ERBB4: variants seen among roughly 807,000 people sequenced by gnomAD.
ERBB4 encodes erb-b2 receptor tyrosine kinase 4, also known as receptor tyrosine-protein kinase erbB-4.
In ERBB4, 42 loss-of-function variants were observed where a neutral mutation model predicts 158.0. The observed-to-expected ratio is 0.27, with a 90% confidence interval of 0.21 to 0.34. ERBB4 has a LOEUF of 0.34. Ranked by LOEUF, ERBB4 falls within the 10% of genes least tolerant of loss-of-function variation. The probability of loss-of-function intolerance (pLI) is 1.00; values close to 1 mark genes in which losing one functional copy is unlikely to be tolerated. For missense variants in ERBB4, 1,333 were observed against 1,624.1 expected, an observed-to-expected ratio of 0.82 and a Z score of 3.08; for synonymous variants, 583 against 558.7, an observed-to-expected ratio of 1.04 and a Z score of -0.61.
At chr2:211,890,020 G>T (rs1345676482) in intron 3 of ERBB4, among the ~76,000 whole-genome samples, 41 of 96,314 alleles carry the variant, frequency 4.3e-4, no homozygotes, top group African/African-American at 1.8e-3. Flanking sequence ...ATCTAGCAAG[G>T]CAGGCCAACG....
intron 2 of ERBB4, among the ~76,000 whole-genome samples, chr2:212,024,237 C>A (rs932580014): frequency 6.6e-6 from 1 of 151,872 alleles, no homozygotes; most frequent in Non-Finnish European, 1.5e-5. Flanking sequence ...AAATGACTGG[C>A]TCTTTCATTC....
rs577049194 is a variant in ERBB4, at chr2:212,090,447, C to T, written c.234+34305G>A. 1.7e-3 allele frequency among the ~76,000 whole-genome samples: 264 copies of T among 152,160 alleles called. 1 individual carries two copies. Among genetic ancestry groups the T allele is most frequent in the Non-Finnish European group, 3.2e-3 (219 of 67,980 alleles). ...AAAAACTGTTTCAGTCTTTAATATC[C>T]TCTAAAGCTCCCTGGAGGTCTAGTG... On this transcript the variant is annotated intron_variant, in intron 2 of 27. Coordinates refer to ENST00000342788, the MANE Select transcript of ERBB4 (RefSeq NM_005235.3).
At position 211,497,732 on chromosome 2, in the gene ERBB4, C is replaced by T. The variant is rs114869518; in HGVS notation, c.2487+64171G>A. The stretch of plus-strand genomic sequence containing the variant: ...TAGTATTTTTAATGAAAGGATGAGG[C>T]TCTTATGAGACATTATTTATTTCAT... On this transcript the variant is annotated intron_variant, in intron 20 of 27. Transcript: ENST00000342788. 3.2e-3 allele frequency among the ~76,000 whole-genome samples: 492 copies of T among 152,050 alleles called. 3 individuals are homozygous for T. Among genetic ancestry groups the T allele is most frequent in the African/African-American group, 0.011 (474 of 41,504 alleles).
At chr2:212,087,327 C>A (rs538897080) in intron 2 of ERBB4, among the ~76,000 whole-genome samples, 1 of 151,944 alleles carries the variant, frequency 6.6e-6, no homozygotes, top group Non-Finnish European at 1.5e-5. Context: ...ATGATTTATA[C>A]TGTGATAAGT....
At chr2:211,479,066 T>C (rs554402025) in intron 20 of ERBB4, among the ~76,000 whole-genome samples, 2 of 152,144 alleles carry the variant, frequency 1.3e-5, no homozygotes. Flanking sequence ...TCTAACTCAG[T>C]GCTTCTCAAA....
chr2:212,328,656 G>A (rs1049407886), intron 1 of ERBB4, among the ~76,000 whole-genome samples: 11 of 151,964 alleles, frequency 7.2e-5, no homozygotes, highest in African/African-American at 1.9e-4. Flanking sequence ...ATAGTATGTA[G>A]GCTAGGAGGA....
At chr2:211,621,308 T>C (rs990527442) in intron 18 of ERBB4, among the ~76,000 whole-genome samples, 17 of 152,146 alleles carry the variant, frequency 1.1e-4, no homozygotes, top group Non-Finnish European at 2.2e-4. Flanking sequence ...CTAATCTTTA[T>C]ACTTAAACAG....
chr2:211,561,131 G>C (rs1170187528), intron 20 of ERBB4, among the ~76,000 whole-genome samples: 2 of 152,138 alleles, frequency 1.3e-5, no homozygotes, highest in African/African-American at 4.8e-5. Context: ...TGAACATTTA[G>C]AATGTATACT....
intron 2 of ERBB4, among the ~76,000 whole-genome samples, chr2:212,068,576 A>G (rs1300256440): frequency 6.6e-6 from 1 of 151,912 alleles, no homozygotes; most frequent in Non-Finnish European, 1.5e-5. Flanking sequence ...ACCAAAAGCT[A>G]CCCTGAAGTA....
At chr2:211,615,121 C>T (rs2125839614) in intron 19 of ERBB4, among the ~76,000 whole-genome samples, 1 of 151,912 alleles carries the variant, frequency 6.6e-6, no homozygotes, top group African/African-American at 2.4e-5. Context: ...TAATTTCTTT[C>T]ATTTTTTTTA....
chr2:211,488,413 C>A (rs758241305), intron 20 of ERBB4, among the ~76,000 whole-genome samples: 2 of 151,976 alleles, frequency 1.3e-5, no homozygotes, highest in Non-Finnish European at 1.5e-5. Context: ...GAGATATTGT[C>A]CTGCTCATCA....
intron 1 of ERBB4, among the ~76,000 whole-genome samples, chr2:212,374,630 C>G (rs1235423569): frequency 6.6e-6 from 1 of 151,970 alleles, no homozygotes; most frequent in Non-Finnish European, 1.5e-5. Flanking sequence ...CACACACACA[C>G]ACATATTTGT....
chr2:211,515,406 T>C (rs2065996007), intron 20 of ERBB4, among the ~76,000 whole-genome samples: 1 of 152,080 alleles, frequency 6.6e-6, no homozygotes, highest in African/African-American at 2.4e-5. Context: ...CTTTCAAAAT[T>C]CCCAAACACA....
At chr2:212,045,202 G>C (rs2077231402) in intron 2 of ERBB4, among the ~76,000 whole-genome samples, 1 of 152,136 alleles carries the variant, frequency 6.6e-6, no homozygotes, top group Non-Finnish European at 1.5e-5. Context: ...GCTCATGCTT[G>C]TAATCCCAGC....
intron 1 of ERBB4, among the ~76,000 whole-genome samples, chr2:212,509,853 T>A (rs1691409456): frequency 6.6e-6 from 1 of 151,956 alleles, no homozygotes; most frequent in Non-Finnish European, 1.5e-5. Flanking sequence ...GATATGAGTT[T>A]CATTTTCATT....
intron 1 of ERBB4, among the ~76,000 whole-genome samples, chr2:212,310,786 G>A (rs2087010663): frequency 6.7e-6 from 1 of 150,260 alleles, no homozygotes; most frequent in African/African-American, 2.4e-5. Context: ...ATATTCATGA[G>A]CTATCCAGTT....
At chr2:212,449,849 T>C (rs1400331691) in intron 1 of ERBB4, among the ~76,000 whole-genome samples, 4 of 125,662 alleles carry the variant, frequency 3.2e-5, no homozygotes, top group Admixed American at 7.2e-5. Context: ...GCTACTGATA[T>C]AGCTATAATA....
intron 3 of ERBB4, among the ~76,000 whole-genome samples, chr2:211,945,101 C>A (rs866949626): frequency 1.3e-5 from 2 of 152,110 alleles, no homozygotes; most frequent in African/African-American, 4.8e-5. Flanking sequence ...ACAATCTTAC[C>A]TGAACTTAAT....
intron 25 of ERBB4, among the ~76,000 whole-genome samples, chr2:211,395,756 C>T (rs1034015119): frequency 1.3e-5 from 2 of 151,928 alleles, no homozygotes. Flanking sequence ...GTCTACAAAA[C>T]AGGTTGCCCT....
Sources: allele counts gnomAD v4.1 joint callset (sites outside exome capture counted in the v4.1 genomes callset), GRCh38; gene constraint gnomAD v4.1.1; transcripts MANE v1.5; gene names NCBI Gene and HGNC (gene_info 2026-07-23, HGNC 2026-07-21).